MYO18B: variants seen among roughly 807,000 people sequenced by gnomAD.
The protein encoded by MYO18B is myosin XVIIIB, also known as unconventional myosin-XVIIIb.
In MYO18B, 204 loss-of-function variants were observed where a neutral mutation model predicts 273.0. The observed-to-expected ratio is 0.75, with a 90% CI of 0.67 to 0.84. The LOEUF is 0.84. Among genes scored for constraint, MYO18B ranks in the 40% least tolerant of loss-of-function variants. The probability of loss-of-function intolerance (pLI) is 0.00; values close to 1 mark genes in which losing one functional copy is unlikely to be tolerated. For missense variants in MYO18B, 3,212 were observed against 3,287.6 expected (o/e 0.98, Z 0.56); for synonymous variants, 1,330 against 1,305.7 (o/e 1.02, Z -0.40).
In MYO18B at chr22:26,026,615, A is replaced by G; in HGVS notation, c.6641A>G (p.Gln2214Arg). ...HFGDGEVLAV[Q>R]RKSTERLEPA... Reference sequence around the variant, plus strand: ...GGGGACGGCGAAGTGCTTGCCGTCCAGAGAAAGTCCACAGAGAGATTAGAA... The same window carrying G: ...GGGGACGGCGAAGTGCTTGCCGTCCGGAGAAAGTCCACAGAGAGATTAGAA... Residue 2214 changes from glutamine (Q) to arginine (R), a missense_variant, in exon 43 of 44, where the codon CAG becomes CGG. Transcript: ENST00000335473. 1 of 1,613,822 alleles carries G rather than the reference A, an allele frequency of 6.2e-7. No homozygotes were observed. Among genetic ancestry groups the G allele is most frequent in the Non-Finnish European group, 8.5e-7 (1 of 1,179,868 alleles).
chr22:25,759,170 A>G (rs977769197), intron 1 of MYO18B, among the ~76,000 whole-genome samples: 1 of 152,194 alleles, frequency 6.6e-6, no homozygotes, highest in Non-Finnish European at 1.5e-5. Flanking sequence ...ATACCCCAAT[A>G]TAACTTTAAA....
intron 14 of MYO18B, among the ~76,000 whole-genome samples, chr22:25,827,725 G>C (rs893074703): frequency 6.6e-6 from 1 of 152,176 alleles, no homozygotes; most frequent in Non-Finnish European, 1.5e-5. Flanking sequence ...AAACCAAGGG[G>C]ATCATGCGTG....
chr22:25,949,554 C>T (rs2092767583), intron 36 of MYO18B, among the ~76,000 whole-genome samples: 1 of 152,222 alleles, frequency 6.6e-6, no homozygotes, highest in Non-Finnish European at 1.5e-5. Context: ...CTGCCACGCT[C>T]TAAATGCATC....
At chr22:26,001,345 C>T (rs550478925) in intron 40 of MYO18B, among the ~76,000 whole-genome samples, 6 of 152,210 alleles carry the variant, frequency 3.9e-5, no homozygotes, top group African/African-American at 1.2e-4. Flanking sequence ...GTATAGATGG[C>T]GCAGCACCTA....
In MYO18B at chr22:25,769,047, G is replaced by A. The variant is rs767823056; in HGVS notation, c.1131G>A (p.Glu377=). The change falls in exon 4 of 44, where the codon GAG becomes GAA. Residue 377 remains glutamate, a synonymous_variant. Coordinates refer to ENST00000335473, the MANE Select transcript of MYO18B (RefSeq NM_032608.7). ...TGAGAATGGGGGAGAAAGCAGGTGA[G>A]CTTCGGAGCACGACTGGGAAGGCAG... ...DDLRMGEKAG[E]LRSTTGKAGE... is the part of the protein sequence containing the mutation. 6 of 1,611,960 alleles carry A rather than the reference G, an allele frequency of 3.7e-6. No homozygotes were observed. In the South Asian group the frequency reaches 6.6e-5, roughly 18 times the overall value.
At chr22:26,015,141 TC>T (rs1319172289) in intron 42 of MYO18B, among the ~76,000 whole-genome samples, 1 of 152,238 alleles carries the variant, frequency 6.6e-6, no homozygotes, top group African/African-American at 2.4e-5. Flanking sequence ...CATTCCTGTG[TC>T]CAGAATGGTA....
chr22:26,032,300 AG>A (rs1163510794), downstream of MYO18B, among the ~76,000 whole-genome samples: 1 of 152,138 alleles, frequency 6.6e-6, no homozygotes, highest in African/African-American at 2.4e-5. Flanking sequence ...ATGTTTCTGG[AG>A]GCAGGAAGTC....
chr22:26,026,651 C>T lies in MYO18B; in HGVS notation c.6677C>T (p.Ser2226Phe), dbSNP rs1279804260. Reference sequence around the variant, plus strand: ...ACAGAGAGATTAGAACCTGCTTCCTCTCCCCTGGCTTCTCGGAGTACAAAT... The same window carrying T: ...ACAGAGAGATTAGAACCTGCTTCCTTTCCCCTGGCTTCTCGGAGTACAAAT... ...KSTERLEPAS[S>F]PLASRSTNTS... Residue 2226 changes from serine to phenylalanine, a missense_variant, in exon 43 of 44, where the codon TCT (serine) becomes TTT (phenylalanine). Ser to Phe is a radical substitution (Grantham distance 155, BLOSUM62 -2). Transcript: ENST00000335473. 3 of 1,613,892 alleles carry T rather than the reference C, an allele frequency of 1.9e-6. No individual in the cohort carries two copies. Among genetic ancestry groups the T allele is most frequent in the Non-Finnish European group, 2.5e-6 (3 of 1,179,892 alleles).
intron 11 of MYO18B, among the ~76,000 whole-genome samples, chr22:25,792,641 C>A (rs1382155476): frequency 6.6e-6 from 1 of 151,668 alleles, no homozygotes; most frequent in African/African-American, 2.4e-5. Context: ...ACTATAGGTG[C>A]GCGCCACCAT....
chr22:25,902,696 G>C lies in MYO18B; in HGVS notation c.4907G>C (p.Ser1636Thr). Residue 1636 changes from serine (S) to threonine (T), a missense_variant, in exon 30 of 44, where the codon AGT becomes ACT. Ser to Thr is a moderately conservative substitution (Grantham distance 58). Transcript: ENST00000335473. The part of the protein sequence containing the change: ...LREKVTQENT[S>T]VRWELGQLQQ... ...GAGAAAGTGACCCAGGAGAACACCAGTGTCCGGTGGGAGCTAGGCCAGCTT... is the reference window on the plus strand; with the variant it reads ...GAGAAAGTGACCCAGGAGAACACCACTGTCCGGTGGGAGCTAGGCCAGCTT... The C allele has an allele frequency of 1.3e-6, 2 of 1,593,306 alleles. No homozygotes were observed. Among genetic ancestry groups the C allele is most frequent in the South Asian group, 1.1e-5 (1 of 87,354 alleles).
the MYO18B span, among the ~76,000 whole-genome samples, chr22:26,041,091 C>T: frequency 1.8e-3 from 276 of 152,254 alleles, no homozygotes; most frequent in African/African-American, 6.3e-3. Context: ...CAGGACAGCT[C>T]TGAATGTGGC....
chr22:25,879,378 A>G (rs1324314772), intron 25 of MYO18B, among the ~76,000 whole-genome samples: 1 of 152,378 alleles, frequency 6.6e-6, no homozygotes, highest in Non-Finnish European at 1.5e-5. Flanking sequence ...ATTCAGTTAC[A>G]GAAGAGTACT....
chr22:25,921,540 TGGG>T (rs2092342260), intron 34 of MYO18B, 131 bp downstream of exon 34: 5 of 1,174,700 alleles, frequency 4.3e-6, no homozygotes, highest in South Asian at 1.5e-5. Context: ...TGCAGGGAGA[TGGG>T]GGGCATTTCA....
rs565915810 is a variant in MYO18B, at chr22:26,027,598, T to C, written c.7624T>C (p.Ser2542Pro). 6.2e-7 allele frequency: 1 copy of C among 1,613,126 alleles called. No individual in the cohort carries two copies. The highest frequency in any genetic ancestry group is 1.3e-5 in the African/African-American group (1 of 74,732). The change falls in exon 43 of 44, where the codon TCC (serine) becomes CCC (proline). Residue 2542 changes from serine to proline, a missense_variant. Ser to Pro is a moderately conservative substitution (Grantham distance 74). Transcript: ENST00000335473. The surrounding 1 kb of genome is among the most constrained non-coding windows in gnomAD (Gnocchi z 4.1). ...TGCGGGTGACGGTGGCGAGCGAACG[T>C]CCCCCGAGCGGAGAGAGCCAGGGAC... ...RLAGDGGERT[S>P]PERREPGTGR...
intron 1 of MYO18B, among the ~76,000 whole-genome samples, chr22:25,745,978 G>A (rs959581227): frequency 1.3e-5 from 2 of 152,174 alleles, no homozygotes; most frequent in African/African-American, 4.8e-5. Flanking sequence ...TTACAGGCCA[G>A]GAAGTGAGAT....
intron 1 of MYO18B, among the ~76,000 whole-genome samples, chr22:25,757,365 C>T (rs887398675): frequency 4.6e-5 from 7 of 151,986 alleles, no homozygotes; most frequent in East Asian, 1.9e-4. Context: ...CTTTGGGAGC[C>T]GAGGGTCGGA....
intron 40 of MYO18B, 132 bp from the exon 41 acceptor site, chr22:26,003,133 A>T (rs2146910819): frequency 1.3e-6 from 1 of 779,902 alleles, no homozygotes; most frequent in South Asian, 1.5e-5. Context: ...AAGGCAAGTG[A>T]CTTCCCTGAG....
the MYO18B span, among the ~76,000 whole-genome samples, chr22:26,060,121 T>C: frequency 6.6e-6 from 1 of 152,200 alleles, no homozygotes; most frequent in East Asian, 1.9e-4. Flanking sequence ...TTTAGTGAGC[T>C]CTCTAGGGCA....
downstream of MYO18B, among the ~76,000 whole-genome samples, chr22:26,033,879 TCTTTC>T (rs1037922307): frequency 1.9e-3 from 288 of 148,792 alleles, 5 homozygotes; most frequent in African/African-American, 6.8e-3. Flanking sequence ...CTTCTTTCTT[TCTTTC>T]CTTTCTTTTT....
Sources: gnomAD v4.1 joint callset for allele counts (sites outside exome capture counted in the v4.1 genomes callset) on GRCh38, gnomAD v4.1.1 for gene constraint, Gnocchi (gnomAD v3.1) non-coding constraint, MANE v1.5 for transcripts, NCBI Gene and HGNC (gene_info 2026-07-23, HGNC 2026-07-21) for gene names.